The following FAM110B variants were observed in gnomAD, a reference collection of about 807,000 sequenced individuals.
FAM110B encodes the protein family with sequence similarity 110 member B.
Under a neutral mutation model 20.4 loss-of-function variants are expected in FAM110B, and 6 were observed. The observed-to-expected ratio is 0.29, with a 90% CI of 0.16 to 0.58. The LOEUF is 0.58. Among genes scored for constraint, FAM110B ranks in the 20% least tolerant of loss-of-function variants. FAM110B has a pLI of 0.90. For synonymous variants in FAM110B, 226 were observed against 214.1 expected, an observed-to-expected ratio of 1.06 and a Z score of -0.49; for missense variants, 434 against 498.2, an observed-to-expected ratio of 0.87 and a Z score of 1.23.
chr8:58,006,923 A>ATATATATATATATATTTTTTTT, intron 1 of FAM110B, among the ~76,000 whole-genome samples: 1 of 126,534 alleles, frequency 7.9e-6, no homozygotes, highest in African/African-American at 3.0e-5. Flanking sequence ...ATATATATAT[A>ATATATATATATATATTTTTTTT]TTTTTCCAAA....
intron 2 of FAM110B, among the ~76,000 whole-genome samples, chr8:58,037,392 T>C (rs999459389): frequency 2.6e-5 from 4 of 151,880 alleles, no homozygotes; most frequent in African/African-American, 9.7e-5. Flanking sequence ...TCCCAACACT[T>C]TAGGAGGCCA....
intron 1 of FAM110B, among the ~76,000 whole-genome samples, chr8:58,031,084 G>T (rs1320613482): frequency 6.6e-6 from 1 of 152,228 alleles, no homozygotes; most frequent in Non-Finnish European, 1.5e-5. Context: ...AGGACCAGCG[G>T]AAACATGTGT....
At chr8:58,131,109 G>A (rs568338251) in intron 3 of FAM110B, among the ~76,000 whole-genome samples, 6 of 152,162 alleles carry the variant, frequency 3.9e-5, no homozygotes, top group East Asian at 1.9e-4. Context: ...CAACGCCACC[G>A]ACCAGTTAAG....
intron 1 of FAM110B, among the ~76,000 whole-genome samples, chr8:58,015,674 C>G (rs1004912590): frequency 6.6e-6 from 1 of 151,530 alleles, no homozygotes; most frequent in African/African-American, 2.4e-5. Flanking sequence ...GATGAAACCC[C>G]GTCTCTACTA....
intron 3 of FAM110B, among the ~76,000 whole-genome samples, chr8:58,111,250 T>C (rs1370258086): frequency 1.3e-5 from 2 of 152,236 alleles, no homozygotes; most frequent in East Asian, 3.8e-4. Context: ...AAAATAATTC[T>C]GAGCTCAGAA....
rs567244313 is a variant in FAM110B, at chr8:58,000,816, G to C, written c.-512+6010G>C. ...AGGTTCATTGTACAGTTGACTGTGA[G>C]TTGGGGATTTAAAAAAAATTCCTTT... is the stretch of plus-strand genomic sequence containing the variant. On this transcript the variant is annotated intron_variant, in intron 1 of 3. Transcript: ENST00000519262. Among the ~76,000 whole-genome samples, 21 of 152,346 alleles carry C rather than the reference G, an allele frequency of 1.4e-4. No homozygotes were observed. In the East Asian group the frequency reaches 3.9e-3, roughly 28 times the overall value.
At position 58,146,209 on chromosome 8, in the gene FAM110B, T is replaced by A; in HGVS notation, c.-22T>A. 3.8e-6 allele frequency: 6 copies of A among 1,572,090 alleles called. 1 individual carries two copies. In the South Asian group the frequency reaches 7.0e-5, roughly 18 times the overall value. ...CGCCCAGAAGAGCATCCAACACGGCTGCCGGGGAAAGACCGCCCACCATGC... is the reference window on the plus strand; with the variant it reads ...CGCCCAGAAGAGCATCCAACACGGCAGCCGGGGAAAGACCGCCCACCATGC... On this transcript the variant is annotated 5_prime_UTR_variant, in exon 4 of 4. Transcript: ENST00000519262.
intron 3 of FAM110B, among the ~76,000 whole-genome samples, chr8:58,115,544 C>A (rs1389411201): frequency 6.6e-6 from 1 of 152,178 alleles, no homozygotes; most frequent in Non-Finnish European, 1.5e-5. Context: ...CAGGCACATG[C>A]CACCACGCCT....
intron 3 of FAM110B, among the ~76,000 whole-genome samples, chr8:58,137,668 G>T (rs1230306313): frequency 1.3e-5 from 2 of 152,138 alleles, no homozygotes; most frequent in Admixed American, 6.5e-5. Context: ...TGAAGTGTAG[G>T]AATCATGGTT....
At chr8:58,065,269 T>C (rs7007800) in intron 2 of FAM110B, among the ~76,000 whole-genome samples, 7,437 of 152,250 alleles carry the variant, frequency 0.049, 219 homozygotes, top group South Asian at 0.11. Flanking sequence ...AGAACCTCCA[T>C]ATAACTGAAA....
chr8:58,099,371 A>C (rs1806720148), intron 3 of FAM110B, among the ~76,000 whole-genome samples: 1 of 152,132 alleles, frequency 6.6e-6, no homozygotes, highest in South Asian at 2.1e-4. Flanking sequence ...AAAAATCAAA[A>C]TCCAAAACAC....
At chr8:58,026,036 A>G (rs931039675) in intron 1 of FAM110B, among the ~76,000 whole-genome samples, 4 of 152,212 alleles carry the variant, frequency 2.6e-5, no homozygotes, top group African/African-American at 9.6e-5. Flanking sequence ...TGGCACCTTC[A>G]GCTGGGCTTT....
Position 58,077,740 on chromosome 8 carries a change from G to T in FAM110B, c.-325+2117G>T, listed in dbSNP as rs563057003. ...AGGCAAACCATCCAGAGAAGACAGT[G>T]AGTTACCTTCACAGGCATAAGTAAC... On this transcript the variant is annotated intron_variant, in intron 3 of 3. Coordinates refer to ENST00000519262, the MANE Select transcript of FAM110B (RefSeq NM_001377989.1). Among the ~76,000 whole-genome samples the T allele has an allele frequency of 2.0e-5, 3 of 152,270 alleles. No individual in the cohort carries two copies. In the South Asian group the frequency reaches 6.2e-4, roughly 32 times the overall value.
intron 2 of FAM110B, among the ~76,000 whole-genome samples, chr8:58,046,074 C>T (rs1805314147): frequency 6.6e-6 from 1 of 152,112 alleles, no homozygotes; most frequent in African/African-American, 2.4e-5. Context: ...CCCAAAGGCC[C>T]CATGTTCTAA....
At chr8:58,054,121 A>G (rs1805507426) in intron 2 of FAM110B, among the ~76,000 whole-genome samples, 1 of 152,244 alleles carries the variant, frequency 6.6e-6, no homozygotes, top group Non-Finnish European at 1.5e-5. Context: ...TGATTGACAC[A>G]AGAGTAGATG....
At chr8:58,060,446 TA>T (rs566329090) in intron 2 of FAM110B, among the ~76,000 whole-genome samples, 159 of 152,254 alleles carry the variant, frequency 1.0e-3, no homozygotes, top group African/African-American at 3.5e-3. Context: ...GGCCCAAAAC[TA>T]ATAAATCAGA....
intron 2 of FAM110B, among the ~76,000 whole-genome samples, chr8:58,047,975 T>A (rs1805364188): frequency 6.6e-6 from 1 of 152,206 alleles, no homozygotes; most frequent in Admixed American, 6.5e-5. Flanking sequence ...AGAAGAGTTA[T>A]TAGCATAAAA....
At chr8:58,003,382 T>C (rs957603961) in intron 1 of FAM110B, among the ~76,000 whole-genome samples, 1 of 152,198 alleles carries the variant, frequency 6.6e-6, no homozygotes, top group Non-Finnish European at 1.5e-5. Flanking sequence ...TATTTTGATC[T>C]CCTCCCATGA....
At chr8:58,114,603 C>T (rs1807150773) in intron 3 of FAM110B, among the ~76,000 whole-genome samples, 1 of 152,166 alleles carries the variant, frequency 6.6e-6, no homozygotes, top group Non-Finnish European at 1.5e-5. Context: ...ATTACCTGAA[C>T]AAGTTGGGGA....
Sources: allele counts gnomAD v4.1 joint callset (sites outside exome capture counted in the v4.1 genomes callset), GRCh38; gene constraint gnomAD v4.1.1; transcripts MANE v1.5; gene names NCBI Gene and HGNC (gene_info 2026-07-23, HGNC 2026-07-21).